The following KAT6B variants were observed in gnomAD, a reference collection of about 807,000 sequenced individuals.
The protein encoded by KAT6B is lysine acetyltransferase 6B.
KAT6B carries 10 observed loss-of-function variants against 187.5 expected under a neutral mutation model. That is an observed-to-expected ratio of 0.05 (90% confidence interval 0.03 to 0.09). KAT6B has a LOEUF of 0.09. Among genes scored for constraint, KAT6B ranks in the 10% least tolerant of loss-of-function variants. KAT6B has a pLI of 1.00. For missense variants in KAT6B, 1,952 were observed against 2,558.9 expected (o/e 0.76, Z 5.12); for synonymous variants, 861 against 926.8 (o/e 0.93, Z 1.29).
At chr10:74,871,547 A>G (rs1202560454) in intron 3 of KAT6B, among the ~76,000 whole-genome samples, 2 of 152,186 alleles carry the variant, frequency 1.3e-5, no homozygotes, top group African/African-American at 4.8e-5. Flanking sequence ...AAAAATAATT[A>G]CAAGCTGGGC....
intron 3 of KAT6B, among the ~76,000 whole-genome samples, chr10:74,870,624 G>A (rs1275573684): frequency 1.3e-5 from 2 of 152,066 alleles, no homozygotes; most frequent in Non-Finnish European, 2.9e-5. Context: ...TTGCTGTCCA[G>A]GCTGGAGTGC....
At chr10:74,865,661 G>GT (rs1843504562) in intron 3 of KAT6B, among the ~76,000 whole-genome samples, 1 of 151,876 alleles carries the variant, frequency 6.6e-6, no homozygotes, top group African/African-American at 2.4e-5. Context: ...GATTACAGGC[G>GT]TGCACCACCA....
intron 3 of KAT6B, among the ~76,000 whole-genome samples, chr10:74,911,728 T>C (rs1390360216): frequency 2.0e-5 from 3 of 152,230 alleles, no homozygotes; most frequent in African/African-American, 7.2e-5. Context: ...TAACTTTTCC[T>C]GAAAAATATT....
At chr10:74,918,238 C>T (rs971798842) in intron 3 of KAT6B, among the ~76,000 whole-genome samples, 1 of 152,080 alleles carries the variant, frequency 6.6e-6, no homozygotes, top group African/African-American at 2.4e-5. Flanking sequence ...ATATGGCAGG[C>T]ACTGTTTGAG....
chr10:75,029,139 G>C lies in KAT6B; in HGVS notation c.4315G>C (p.Val1439Leu). 6.2e-7 allele frequency: 1 copy of C among 1,614,164 alleles called. No individual in the cohort carries two copies. The highest frequency in any genetic ancestry group is 8.5e-7 in the Non-Finnish European group (1 of 1,180,026). Residue 1439 changes from valine (V) to leucine (L), a missense_variant, in exon 18 of 18, where the codon GTG becomes CTG. Coordinates refer to ENST00000287239, the MANE Select transcript of KAT6B (RefSeq NM_012330.4). The surrounding 1 kb of genome is among the most constrained non-coding windows in gnomAD (Gnocchi z 6.2). ...EDDSHMESAEVEKEELPRESF... is the reference protein window; with the variant it reads ...EDDSHMESAELEKEELPRESF... ...TGACAGCCACATGGAGTCTGCCGAA[G>C]TGGAGAAGGAAGAGCTGCCCAGAGA...
chr10:74,870,295 A>G (rs1348800641), intron 3 of KAT6B, among the ~76,000 whole-genome samples: 1 of 152,126 alleles, frequency 6.6e-6, no homozygotes, highest in Non-Finnish European at 1.5e-5. Context: ...TCTGTCTCAA[A>G]AGACAAAAAA....
chr10:74,978,741 A>G (rs535334962), intron 9 of KAT6B, among the ~76,000 whole-genome samples: 1 of 152,328 alleles, frequency 6.6e-6, no homozygotes, highest in South Asian at 2.1e-4. Flanking sequence ...TAAGCTGCAG[A>G]TTTCACAATT....
In KAT6B at chr10:75,025,087, C is replaced by A; in HGVS notation, c.3502C>A (p.Pro1168Thr). 1 of 1,614,114 alleles carries A rather than the reference C, an allele frequency of 6.2e-7. No individual in the cohort carries two copies. Among genetic ancestry groups the A allele is most frequent in the Non-Finnish European group, 8.5e-7 (1 of 1,180,020 alleles). The part of the protein sequence containing the change: ...EPFDNSDEER[P>T]MPQLEPTCEI... ...CTTTGACAACTCAGATGAAGAGAGG[C>A]CAATGCCACAGCTGGAGCCTACCTG... The change falls in exon 17 of 18, where the codon CCA (proline) becomes ACA (threonine). Residue 1168 changes from proline to threonine, a missense_variant. Around this residue, in one of 9 missense-constraint regions of KAT6B, gnomAD observed 758 missense variants for 891.4 expected, o/e 0.85. Coordinates refer to ENST00000287239, the MANE Select transcript of KAT6B (RefSeq NM_012330.4).
chr10:74,975,264 G>A, intron 7 of KAT6B, 135 bp from the exon 8 acceptor site: 2 of 731,278 alleles, frequency 2.7e-6, no homozygotes, highest in Non-Finnish European at 4.7e-6. Context: ...AAACATCTAG[G>A]TGGTGGCACA....
intron 4 of KAT6B, among the ~76,000 whole-genome samples, chr10:74,967,316 C>G (rs1250359429): frequency 7.1e-6 from 1 of 140,018 alleles, no homozygotes; most frequent in African/African-American, 2.9e-5. Flanking sequence ...GGCAACAGAG[C>G]GAGACTCCGT....
At chr10:74,967,472 G>A (rs768846113) in intron 4 of KAT6B, among the ~76,000 whole-genome samples, 1 of 152,144 alleles carries the variant, frequency 6.6e-6, no homozygotes, top group Non-Finnish European at 1.5e-5. Context: ...ATCAAGACAC[G>A]TTACGGTCTT....
intron 3 of KAT6B, among the ~76,000 whole-genome samples, chr10:74,890,739 C>T (rs1845591774): frequency 6.6e-6 from 1 of 152,138 alleles, no homozygotes; most frequent in Admixed American, 6.5e-5. Flanking sequence ...TCATGTTTTA[C>T]ATTTAATCTT....
chr10:74,899,867 A>G (rs1446946087), intron 3 of KAT6B, among the ~76,000 whole-genome samples: 1 of 152,246 alleles, frequency 6.6e-6, no homozygotes. Flanking sequence ...CCTTATATTT[A>G]AGCAAACTTT....
At chr10:74,913,543 A>C (rs1223326975) in intron 3 of KAT6B, among the ~76,000 whole-genome samples, 2 of 152,252 alleles carry the variant, frequency 1.3e-5, no homozygotes, top group Non-Finnish European at 2.9e-5. Flanking sequence ...AACTTCACAT[A>C]AAGGGGGACT....
intron 3 of KAT6B, among the ~76,000 whole-genome samples, chr10:74,879,145 G>A (rs1164607560): frequency 6.6e-6 from 1 of 152,148 alleles, no homozygotes; most frequent in Admixed American, 6.6e-5. Context: ...GAAGATGGTG[G>A]GAATCGGTTT....
intron 1 of KAT6B, among the ~76,000 whole-genome samples, chr10:74,830,866 C>T (rs1461388398): frequency 7.4e-6 from 1 of 136,030 alleles, no homozygotes; most frequent in South Asian, 2.4e-4. Context: ...TGGCTCACTG[C>T]AACCTCTGCT....
chr10:74,925,728 T>A (rs1482863424), intron 3 of KAT6B, among the ~76,000 whole-genome samples: 3 of 152,220 alleles, frequency 2.0e-5, no homozygotes, highest in Non-Finnish European at 4.4e-5. Flanking sequence ...GTAACTCTTA[T>A]AACACTTATA....
At chr10:74,824,944 G>A (rs1334641628), upstream of KAT6B, among the ~76,000 whole-genome samples, 8 of 151,938 alleles carry the variant, frequency 5.3e-5, no homozygotes, top group Non-Finnish European at 1.0e-4. Flanking sequence ...CCAGAACGCG[G>A]CTGAGCTCGC....
intron 3 of KAT6B, among the ~76,000 whole-genome samples, chr10:74,861,924 T>C (rs1253051308): frequency 6.6e-6 from 1 of 152,220 alleles, no homozygotes; most frequent in Non-Finnish European, 1.5e-5. Flanking sequence ...AAATTTACCT[T>C]GCCTAACCCA....
Sources: allele counts gnomAD v4.1 joint callset (sites outside exome capture counted in the v4.1 genomes callset), GRCh38; gene constraint gnomAD v4.1.1; regional missense constraint gnomAD v4.1.1; non-coding constraint Gnocchi (gnomAD v3.1); transcripts MANE v1.5; gene names NCBI Gene and HGNC (gene_info 2026-07-23, HGNC 2026-07-21).